ZNF827: variants seen among roughly 807,000 people sequenced by gnomAD.
ZNF827 encodes zinc finger protein 827.
Under a neutral mutation model 102.4 loss-of-function variants are expected in ZNF827, and 13 were observed. The observed-to-expected ratio is 0.13, with a 90% CI of 0.08 to 0.20. The LOEUF is 0.20. ZNF827 is among the 10% of genes least tolerant of loss of function. The pLI, the probability that ZNF827 is intolerant of heterozygous loss-of-function variation, is 1.00. For synonymous variants in ZNF827, 523 were observed against 536.2 expected (o/e 0.98, Z 0.34); for missense variants, 1,103 against 1,344.4 (o/e 0.82, Z 2.81).
chr4:145,860,437 G>A (rs1490886845), intron 5 of ZNF827, among the ~76,000 whole-genome samples: 1 of 152,216 alleles, frequency 6.6e-6, no homozygotes, highest in Non-Finnish European at 1.5e-5. Context: ...GGTTTATGGG[G>A]AAAAGGATGG....
chr4:145,791,253 C>T (rs1214716134), intron 8 of ZNF827, among the ~76,000 whole-genome samples: 2 of 152,200 alleles, frequency 1.3e-5, no homozygotes, highest in East Asian at 1.9e-4. Flanking sequence ...CTCACTCCAC[C>T]CTCACATGGC....
At chr4:145,782,132 T>C (rs1190416141) in intron 8 of ZNF827, among the ~76,000 whole-genome samples, 1 of 152,160 alleles carries the variant, frequency 6.6e-6, no homozygotes, top group Admixed American at 6.5e-5. Context: ...CCAAGCCTCG[T>C]CTAGGAATCG....
rs774182929 is a variant in ZNF827, at chr4:145,885,703, C to T, written c.1722G>A (p.Ala574=). 19 of 1,534,894 alleles carry T rather than the reference C, an allele frequency of 1.2e-5. No homozygotes were observed. The highest frequency in any genetic ancestry group is 2.1e-5 in the Admixed American group (1 of 47,656). The change falls in exon 4 of 15, where the codon GCG becomes GCA. Residue 574 remains alanine, a synonymous_variant. Transcript: ENST00000508784. ...LFSQDISVKM[A]SDFLMKLSAA... ...CTGACAGCTTCATGAGAAAATCAGA[C>T]GCCATCTTAACAGAGATGTCCTGGC...
At chr4:145,914,085 A>ACACC (rs1358055729) in intron 1 of ZNF827, among the ~76,000 whole-genome samples, 2 of 151,870 alleles carry the variant, frequency 1.3e-5, no homozygotes, top group African/African-American at 2.4e-5. Flanking sequence ...ACACACACAC[A>ACACC]CACACCAAGA....
At chr4:145,798,495 G>A (rs879268086) in intron 8 of ZNF827, among the ~76,000 whole-genome samples, 3 of 152,022 alleles carry the variant, frequency 2.0e-5, no homozygotes, top group East Asian at 1.9e-4. Context: ...GTGAAACCTC[G>A]TCTCCACTAA....
Position 145,845,947 on chromosome 4 carries a change from G to T in ZNF827, c.2279+9C>A, listed in dbSNP as rs1251603017. ...GGTGTTCTGGAGGAACCCACACAAA[G>T]TCGCCTACCTGGTCGTGGTCCGGAT... On this transcript the variant is annotated intron_variant, in intron 7 of 14. Coordinates refer to ENST00000508784, the MANE Select transcript of ZNF827 (RefSeq NM_001306215.2). 1 of 1,614,182 alleles carries T rather than the reference G, an allele frequency of 6.2e-7. No homozygotes were observed. Among genetic ancestry groups the T allele is most frequent in the Non-Finnish European group, 8.5e-7 (1 of 1,180,040 alleles).
intron 5 of ZNF827, among the ~76,000 whole-genome samples, chr4:145,857,536 T>C (rs1274312218): frequency 1.3e-5 from 2 of 152,228 alleles, no homozygotes; most frequent in Non-Finnish European, 2.9e-5. Context: ...GCCACAACAG[T>C]ATGCCCACAC....
At chr4:145,866,998 T>C (rs1437277381) in intron 5 of ZNF827, among the ~76,000 whole-genome samples, 1 of 152,230 alleles carries the variant, frequency 6.6e-6, no homozygotes, top group East Asian at 1.9e-4. Flanking sequence ...CTATCTAATG[T>C]TATATATCCT....
intron 4 of ZNF827, among the ~76,000 whole-genome samples, chr4:145,875,558 A>C: frequency 6.6e-6 from 1 of 152,232 alleles, no homozygotes; most frequent in East Asian, 1.9e-4. Context: ...TTCTGGTAGG[A>C]AGAAATCCTG....
intron 2 of ZNF827, among the ~76,000 whole-genome samples, chr4:145,893,794 A>T (rs890131241): frequency 6.6e-6 from 1 of 152,224 alleles, no homozygotes; most frequent in African/African-American, 2.4e-5. Context: ...TTGATTTTTT[A>T]AAAAAGTGTT....
intron 1 of ZNF827, among the ~76,000 whole-genome samples, chr4:145,906,126 T>A (rs377763232): frequency 5.3e-4 from 81 of 152,334 alleles, no homozygotes; most frequent in African/African-American, 1.9e-3. Flanking sequence ...CACGACCACG[T>A]AGAGCTAATG....
intron 8 of ZNF827, among the ~76,000 whole-genome samples, chr4:145,791,305 G>A (rs558388752): frequency 6.6e-6 from 1 of 152,236 alleles, no homozygotes; most frequent in South Asian, 2.1e-4. Context: ...CTTTTATAGG[G>A]GCACTAATCC....
chr4:145,860,100 C>T (rs779232679), intron 5 of ZNF827, among the ~76,000 whole-genome samples: 1 of 152,132 alleles, frequency 6.6e-6, no homozygotes, highest in Non-Finnish European at 1.5e-5. Flanking sequence ...ACATATTACC[C>T]GATATGATGG....
At position 145,762,825 on chromosome 4, in the gene ZNF827, A is replaced by G. The variant is rs1338614242; in HGVS notation, c.*17+265T>C. Among the ~76,000 whole-genome samples the G allele has an allele frequency of 6.6e-6, 1 of 152,326 alleles. No individual in the cohort carries two copies. Among genetic ancestry groups the G allele is most frequent in the South Asian group, 2.1e-4 (1 of 4,830 alleles). On this transcript the variant is annotated intron_variant, in intron 14 of 14. Transcript: ENST00000508784. The surrounding 1 kb of genome is among the most constrained non-coding windows in gnomAD (Gnocchi z 4.9). ...ACTGTAGTGTGTTTGCTCTCTTTCC[A>G]CAAAGAATGCAGATGCAAAAGTGGC...
chr4:145,878,140 T>G (rs1749315620), intron 4 of ZNF827, among the ~76,000 whole-genome samples: 1 of 152,200 alleles, frequency 6.6e-6, no homozygotes, highest in Non-Finnish European at 1.5e-5. Context: ...TTTTTGTCAT[T>G]GTGGATCACC....
intron 1 of ZNF827, chr4:145,906,909 A>G (rs1270339107): frequency 5.2e-6 from 2 of 386,216 alleles, no homozygotes; most frequent in African/African-American, 4.2e-5. Flanking sequence ...TCTTAAATTC[A>G]TAATACTCTG....
intron 6 of ZNF827, among the ~76,000 whole-genome samples, chr4:145,848,534 T>C (rs1176904596): frequency 1.3e-5 from 2 of 152,242 alleles, no homozygotes; most frequent in Non-Finnish European, 2.9e-5. Context: ...AACTTTAATA[T>C]TGTAGGCCAG....
At chr4:145,854,752 C>T (rs1206400789) in intron 5 of ZNF827, among the ~76,000 whole-genome samples, 1 of 152,226 alleles carries the variant, frequency 6.6e-6, no homozygotes, top group Non-Finnish European at 1.5e-5. Context: ...AAACCCTATT[C>T]AAACTTCAAA....
chr4:145,782,339 G>A (rs539416289), intron 8 of ZNF827, among the ~76,000 whole-genome samples: 4 of 152,298 alleles, frequency 2.6e-5, no homozygotes, highest in African/African-American at 7.2e-5. Context: ...GCAAAGGCCC[G>A]TTCTTTTTTC....
Sources: gnomAD v4.1 joint callset for allele counts (sites outside exome capture counted in the v4.1 genomes callset) on GRCh38, gnomAD v4.1.1 for gene constraint, Gnocchi (gnomAD v3.1) non-coding constraint, MANE v1.5 for transcripts, NCBI Gene and HGNC (gene_info 2026-07-23, HGNC 2026-07-21) for gene names.